The following KLHDC4 variants were observed in gnomAD, a reference collection of about 807,000 sequenced individuals.
KLHDC4 encodes the protein kelch domain-containing protein 4.
Under a neutral mutation model 62.4 loss-of-function variants are expected in KLHDC4, and 90 were observed. The observed-to-expected ratio is 1.44, with a 90% CI of 1.22 to 1.72. KLHDC4 has a LOEUF of 1.72. Ranked by LOEUF, KLHDC4 falls within the 40% of genes most tolerant of loss-of-function variation. The pLI, the probability that KLHDC4 is intolerant of heterozygous loss-of-function variation, is 0.00. For missense variants in KLHDC4, 1,025 were observed against 699.7 expected, an observed-to-expected ratio of 1.47 and a Z score of -5.25; for synonymous variants, 386 against 284.4, an observed-to-expected ratio of 1.36 and a Z score of -3.59.
intron 1 of KLHDC4, among the ~76,000 whole-genome samples, chr16:87,764,486 T>C (rs755847353): frequency 1.5e-4 from 23 of 151,308 alleles, no homozygotes; most frequent in Middle Eastern, 6.8e-3. Context: ...CCGGTCTCTA[T>C]TAAAAATACA....
intron 1 of KLHDC4, among the ~76,000 whole-genome samples, chr16:87,764,912 T>C (rs533724985): frequency 3.3e-5 from 5 of 150,186 alleles, no homozygotes; most frequent in Middle Eastern, 7.1e-3. Flanking sequence ...GATGAGGACA[T>C]GGAGAGATCA....
chr16:87,743,215 C>T (rs2042507140), intron 5 of KLHDC4, among the ~76,000 whole-genome samples: 1 of 152,194 alleles, frequency 6.6e-6, no homozygotes, highest in South Asian at 2.1e-4. Context: ...AAGTGATCCT[C>T]CCACCCCAGC....
chr16:87,708,696 T>G, intron 10 of KLHDC4: 1 of 410,200 alleles, frequency 2.4e-6, no homozygotes, highest in South Asian at 9.2e-5. Context: ...AGCACCCCCA[T>G]AACGGAGCGG....
chr16:87,734,393 G>A (rs966383747), intron 5 of KLHDC4, among the ~76,000 whole-genome samples: 5 of 152,046 alleles, frequency 3.3e-5, no homozygotes, highest in African/African-American at 1.2e-4. Context: ...AAACGTAAAA[G>A]GAAGCTTGAG....
rs1417888769 is a variant in KLHDC4, at chr16:87,714,415, C to G, written c.835+83G>C. On this transcript the variant is annotated intron_variant, in intron 8 of 11. Coordinates refer to ENST00000270583, the MANE Select transcript of KLHDC4 (RefSeq NM_017566.4). ...AGGGTGCAGGGGCTCACCGCCAGCC[C>G]CACATCCATGGGAGGGTGTGGGCTC... 2.5e-6 allele frequency: 4 copies of G among 1,586,610 alleles called. No individual in the cohort carries two copies. In the African/African-American group the frequency reaches 4.0e-5, roughly 16 times the overall value.
At chr16:87,725,639 CAG>C (rs996748691) in intron 7 of KLHDC4, among the ~76,000 whole-genome samples, 1 of 152,164 alleles carries the variant, frequency 6.6e-6, no homozygotes, top group Non-Finnish European at 1.5e-5. Context: ...TAAAGGTTGG[CAG>C]AGTGTGAAAT....
chr16:87,758,328 G>A (rs1208301862), intron 2 of KLHDC4, among the ~76,000 whole-genome samples: 1 of 152,178 alleles, frequency 6.6e-6, no homozygotes, highest in Non-Finnish European at 1.5e-5. Context: ...CAGATGAGTG[G>A]ACAAACACAA....
intron 4 of KLHDC4, among the ~76,000 whole-genome samples, chr16:87,749,049 G>A (rs1473943336): frequency 3.3e-5 from 5 of 151,088 alleles, no homozygotes; most frequent in South Asian, 2.1e-4. Flanking sequence ...TAGGTTGCAA[G>A]ATAAACATCC....
intron 4 of KLHDC4, among the ~76,000 whole-genome samples, chr16:87,754,038 G>A (rs958517906): frequency 2.0e-5 from 3 of 151,974 alleles, no homozygotes; most frequent in Non-Finnish European, 4.4e-5. Flanking sequence ...TACTGGGGAG[G>A]CTGAGGCAGG....
chr16:87,705,965 CCT>C (rs2034623379), downstream of KLHDC4, among the ~76,000 whole-genome samples: 1 of 152,236 alleles, frequency 6.6e-6, no homozygotes, highest in African/African-American at 2.4e-5. Flanking sequence ...AAGCTGCAGC[CCT>C]GTGCGGGGTC....
At chr16:87,705,637 A>G (rs1233453087), downstream of KLHDC4, among the ~76,000 whole-genome samples, 5 of 152,366 alleles carry the variant, frequency 3.3e-5, no homozygotes, top group Admixed American at 2.0e-4. Flanking sequence ...AGCTCCTCTG[A>G]AAGAAAAACT....
At chr16:87,757,866 T>G (rs1278699610) in intron 2 of KLHDC4, among the ~76,000 whole-genome samples, 1 of 152,082 alleles carries the variant, frequency 6.6e-6, no homozygotes, top group East Asian at 1.9e-4. Flanking sequence ...CACTCCATCC[T>G]GGGAGACAGA....
intron 7 of KLHDC4, among the ~76,000 whole-genome samples, chr16:87,726,135 G>T (rs925338765): frequency 6.6e-6 from 1 of 152,024 alleles, no homozygotes; most frequent in Non-Finnish European, 1.5e-5. Flanking sequence ...CAATGTTCAT[G>T]AAACTGAAGA....
At chr16:87,701,751 G>A (rs546836610) in exon 1 of KLHDC4, 14 of 456,702 alleles carry the variant, frequency 3.1e-5, no homozygotes, top group Middle Eastern at 3.3e-4. Flanking sequence ...CCGCCCGCCC[G>A]TCCTCCCAAG....
intron 5 of KLHDC4, among the ~76,000 whole-genome samples, chr16:87,733,442 G>C (rs969487458): frequency 6.6e-6 from 1 of 152,204 alleles, no homozygotes; most frequent in African/African-American, 2.4e-5. Context: ...AATGGCTTTG[G>C]GCTGCAACAT....
rs375300013 is a variant in KLHDC4 at position 87,711,322 on chromosome 16, T to C, written c.957A>G (p.Glu319=). 1.9e-4 allele frequency: 311 copies of C among 1,613,930 alleles called. No individual in the cohort carries two copies. The highest frequency in any genetic ancestry group is 2.6e-4 in the Non-Finnish European group (301 of 1,180,024). ...TLFFGGVCDE[E]EEESLSGEFF... is the part of the protein sequence containing the mutation. Reference sequence around the variant, plus strand: ...ACTCGCCCGACAGGCTCTCCTCCTCTTCCTCGTCACAGACACCCCCGAAGA... The same window carrying C: ...ACTCGCCCGACAGGCTCTCCTCCTCCTCCTCGTCACAGACACCCCCGAAGA... Residue 319 remains glutamate, a synonymous_variant, in exon 9 of 12, where the codon GAA becomes GAG. Transcript: ENST00000270583.
chr16:87,713,808 T>C (rs1351868341), intron 8 of KLHDC4, among the ~76,000 whole-genome samples: 1 of 152,186 alleles, frequency 6.6e-6, no homozygotes, highest in Non-Finnish European at 1.5e-5. Context: ...TTTTAAAAAG[T>C]CCCAGAGAAT....
chr16:87,705,374 G>A (rs1319934618), downstream of KLHDC4, among the ~76,000 whole-genome samples: 2 of 152,198 alleles, frequency 1.3e-5, no homozygotes, highest in East Asian at 1.9e-4. Context: ...CGTCTCCCAC[G>A]GTTCCACACT....
rs913515871 is a variant in KLHDC4, at chr16:87,756,531, G to C, written c.192-54C>G. 9.3e-6 allele frequency: 12 copies of C among 1,295,362 alleles called. No individual in the cohort carries two copies. The African/African-American group carries it at 1.3e-4, about 14-fold the overall frequency. The allele number at this position is 1,295,362 out of a possible 1,614,324, so 80.2% of individuals were successfully genotyped here. A position where few individuals can be genotyped will look rare whatever the true frequency, so the allele number is the denominator to read the frequency against. On this transcript the variant is annotated intron_variant, in intron 2 of 11. Coordinates refer to ENST00000270583, the MANE Select transcript of KLHDC4 (RefSeq NM_017566.4). ...AAGATCACCCCCGATACCCACCTGA[G>C]CGCTGTCCCCTTCCTCACAGAATCC...
Sources: gnomAD v4.1 joint callset for allele counts (sites outside exome capture counted in the v4.1 genomes callset) on GRCh38, gnomAD v4.1.1 for gene constraint, MANE v1.5 for transcripts, NCBI Gene and HGNC (gene_info 2026-07-23, HGNC 2026-07-21) for gene names.